CACNG2: variants seen among roughly 807,000 people sequenced by gnomAD.
The protein encoded by CACNG2 is calcium voltage-gated channel auxiliary subunit gamma 2.
A neutral mutation model predicts 25.9 loss-of-function variants in CACNG2; 3 were observed. The observed-to-expected ratio is 0.12, with a 90% confidence interval of 0.05 to 0.30. CACNG2 has a LOEUF of 0.30. Ranked by LOEUF, CACNG2 falls within the 10% of genes least tolerant of loss-of-function variation. CACNG2 has a pLI of 1.00. For synonymous variants in CACNG2, 167 were observed against 173.3 expected, an observed-to-expected ratio of 0.96 and a Z score of 0.29; for missense variants, 341 against 432.5, an observed-to-expected ratio of 0.79 and a Z score of 1.88.
chr22:36,646,943 T>A (rs1488078541), intron 1 of CACNG2, among the ~76,000 whole-genome samples: 1 of 152,128 alleles, frequency 6.6e-6, no homozygotes, highest in Non-Finnish European at 1.5e-5. Flanking sequence ...GGCAGTCTGA[T>A]CACAGGGGCA....
intron 2 of CACNG2, among the ~76,000 whole-genome samples, chr22:36,578,122 G>T (rs1195426415): frequency 3.3e-5 from 5 of 152,046 alleles, no homozygotes; most frequent in Admixed American, 6.6e-5. Flanking sequence ...AGCACTTTGG[G>T]AGGCCAAGGC....
intron 1 of CACNG2, among the ~76,000 whole-genome samples, chr22:36,668,981 G>T (rs891310446): frequency 2.0e-5 from 3 of 152,116 alleles, no homozygotes; most frequent in Admixed American, 2.0e-4. Context: ...GTGAGGGCAG[G>T]CCTTCTTTTC....
intron 1 of CACNG2, among the ~76,000 whole-genome samples, chr22:36,625,061 TG>T (rs939860025): frequency 5.8e-5 from 8 of 137,108 alleles, no homozygotes; most frequent in African/African-American, 2.2e-4. Flanking sequence ...GATTAATCCT[TG>T]GGGTCCCTTC....
intron 1 of CACNG2, among the ~76,000 whole-genome samples, chr22:36,654,362 A>C (rs1157080560): frequency 6.6e-6 from 1 of 151,870 alleles, no homozygotes; most frequent in Non-Finnish European, 1.5e-5. Context: ...ACTTCATAGG[A>C]TCACTTGCGT....
intron 1 of CACNG2, among the ~76,000 whole-genome samples, chr22:36,618,231 C>T (rs369932953): frequency 3.3e-5 from 5 of 152,222 alleles, no homozygotes; most frequent in Admixed American, 6.5e-5. Context: ...CATATGGCTG[C>T]GTCTTCATCT....
chr22:36,654,188 T>G (rs1601438384), intron 1 of CACNG2, among the ~76,000 whole-genome samples: 2 of 151,942 alleles, frequency 1.3e-5, no homozygotes, highest in Non-Finnish European at 2.9e-5. Context: ...TTGAGGAATG[T>G]TTTTTTTAAT....
chr22:36,672,032 G>C (rs1936958207), intron 1 of CACNG2, among the ~76,000 whole-genome samples: 1 of 152,186 alleles, frequency 6.6e-6, no homozygotes, highest in Admixed American at 6.5e-5. Context: ...CACATTCTCA[G>C]ACAGGGTAAA....
At chr22:36,693,781 C>G (rs1325288182) in intron 1 of CACNG2, among the ~76,000 whole-genome samples, 1 of 152,158 alleles carries the variant, frequency 6.6e-6, no homozygotes, top group African/African-American at 2.4e-5. Context: ...GCTTGCTCAC[C>G]CATACTCTGC....
chr22:36,695,274 A>G (rs1937322539), intron 1 of CACNG2, among the ~76,000 whole-genome samples: 1 of 152,176 alleles, frequency 6.6e-6, no homozygotes, highest in Admixed American at 6.5e-5. Flanking sequence ...TAATCCTTAC[A>G]ACAACTATAA....
chr22:36,622,239 A>G (rs1251093498), intron 1 of CACNG2, among the ~76,000 whole-genome samples: 6 of 152,268 alleles, frequency 3.9e-5, no homozygotes, highest in African/African-American at 7.2e-5. Context: ...CTAGTGTGGC[A>G]CAATACTTGA....
At chr22:36,692,343 T>A (rs1937276823) in intron 1 of CACNG2, among the ~76,000 whole-genome samples, 1 of 152,166 alleles carries the variant, frequency 6.6e-6, no homozygotes, top group Non-Finnish European at 1.5e-5. Flanking sequence ...AGTAAGGAAG[T>A]GGGACGGCAC....
intron 1 of CACNG2, among the ~76,000 whole-genome samples, chr22:36,680,533 C>T (rs1471664904): frequency 6.7e-6 from 1 of 149,516 alleles, no homozygotes. Context: ...TCACTGCCAC[C>T]TGCATCATGG....
chr22:36,571,917 A>G (rs77426223), intron 2 of CACNG2, among the ~76,000 whole-genome samples: 4,688 of 151,616 alleles, frequency 0.031, 266 homozygotes, highest in African/African-American at 0.11. Flanking sequence ...ATTGGGTCCT[A>G]CCTTTTACTG....
intron 1 of CACNG2, among the ~76,000 whole-genome samples, chr22:36,623,447 TC>T (rs1936138583): frequency 6.6e-6 from 1 of 152,206 alleles, no homozygotes; most frequent in Non-Finnish European, 1.5e-5. Context: ...CTCTGCCCCT[TC>T]CTGCTGGTGT....
At chr22:36,626,408 T>C (rs1321822029) in intron 1 of CACNG2, among the ~76,000 whole-genome samples, 2 of 152,186 alleles carry the variant, frequency 1.3e-5, no homozygotes, top group Non-Finnish European at 2.9e-5. Context: ...TCCTCTCTTT[T>C]AAAAGAATCA....
At chr22:36,580,173 G>A (rs950862316) in intron 2 of CACNG2, among the ~76,000 whole-genome samples, 2 of 152,208 alleles carry the variant, frequency 1.3e-5, no homozygotes, top group East Asian at 1.9e-4. Flanking sequence ...GGCCCAGGGA[G>A]GTTCACCGGG....
intron 1 of CACNG2, among the ~76,000 whole-genome samples, chr22:36,607,571 A>G (rs1268532781): frequency 1.3e-5 from 2 of 152,278 alleles, no homozygotes; most frequent in African/African-American, 2.4e-5. Flanking sequence ...TCACATATGT[A>G]TATTCAGTTT....
chr22:36,571,882 CA>C (rs1190439992), intron 2 of CACNG2, among the ~76,000 whole-genome samples: 291 of 99,416 alleles, frequency 2.9e-3, no homozygotes, highest in East Asian at 4.0e-3. Flanking sequence ...GTCTCAAAAA[CA>C]AAAAAAAAAA....
chr22:36,594,733 G>A (rs1935648212), intron 1 of CACNG2, among the ~76,000 whole-genome samples: 1 of 151,608 alleles, frequency 6.6e-6, no homozygotes, highest in African/African-American at 2.4e-5. Flanking sequence ...GTGTGTCTGT[G>A]TGTGCATGGG....
Sources: allele counts gnomAD v4.1 joint callset (sites outside exome capture counted in the v4.1 genomes callset), GRCh38; gene constraint gnomAD v4.1.1; transcripts MANE v1.5; gene names NCBI Gene and HGNC (gene_info 2026-07-23, HGNC 2026-07-21).